Variants in TM9SF3 observed in about 807,000 individuals in gnomAD.
The protein encoded by TM9SF3 is SM-11044-binding protein.
TM9SF3 carries 14 observed loss-of-function variants against 78.6 expected under a neutral mutation model. That is an observed-to-expected ratio of 0.18 (90% confidence interval 0.12 to 0.28). TM9SF3 has a LOEUF of 0.28. Ranked by LOEUF, TM9SF3 falls within the 10% of genes least tolerant of loss-of-function variation. The probability of loss-of-function intolerance (pLI) is 1.00; values close to 1 mark genes in which losing one functional copy is unlikely to be tolerated. For missense variants in TM9SF3, 496 were observed against 721.9 expected (o/e 0.69, Z 3.59); for synonymous variants, 231 against 241.7 (o/e 0.96, Z 0.41).
At position 96,532,632 on chromosome 10, in the gene TM9SF3, C is replaced by CT. The variant is rs1847911378; in HGVS notation, c.1325+418dup. 2.0e-5 allele frequency among the ~76,000 whole-genome samples: 3 copies of CT among 152,176 alleles called. No homozygotes were observed. The South Asian group carries it at 6.2e-4, about 32-fold the overall frequency. On this transcript the variant is annotated intron_variant, in intron 10 of 14. Coordinates refer to ENST00000371142, the MANE Select transcript of TM9SF3 (RefSeq NM_020123.4). Reference sequence around the variant, plus strand: ...TCAGGTTCTGCATGTGATAGTATCTCTGACATTACTGATCTGCCAGCTCTG... The same window carrying CT: ...TCAGGTTCTGCATGTGATAGTATCTCTTGACATTACTGATCTGCCAGCTCTG...
At chr10:96,535,779 A>G (rs1415579692) in intron 9 of TM9SF3, among the ~76,000 whole-genome samples, 3 of 152,168 alleles carry the variant, frequency 2.0e-5, no homozygotes, top group Admixed American at 2.0e-4. Context: ...ATTGGTGCTT[A>G]ATACCCCAAA....
At chr10:96,578,279 T>C (rs1158383375) in intron 1 of TM9SF3, among the ~76,000 whole-genome samples, 2 of 152,238 alleles carry the variant, frequency 1.3e-5, no homozygotes, top group African/African-American at 2.4e-5. Context: ...AGTATCGCGT[T>C]AGGTATTAAG....
Position 96,540,658 on chromosome 10 carries a change from A to G in TM9SF3, c.1185+3418T>C, listed in dbSNP as rs182279257. Among the ~76,000 whole-genome samples, 826 of 151,556 alleles carry G rather than the reference A, an allele frequency of 5.5e-3. 13 individuals carry two copies. Among genetic ancestry groups the G allele is most frequent in the Non-Finnish European group, 6.1e-3 (415 of 67,912 alleles). ...TTTGTTACATCACTGATCCCACACAATGAGTCTTTGATCTTGATATCTTTA... is the reference window on the plus strand; with the variant it reads ...TTTGTTACATCACTGATCCCACACAGTGAGTCTTTGATCTTGATATCTTTA... On this transcript the variant is annotated intron_variant, in intron 9 of 14. Transcript: ENST00000371142.
At chr10:96,560,984 G>A (rs1471281612) in intron 4 of TM9SF3, 1 of 441,670 alleles carries the variant, frequency 2.3e-6, no homozygotes, top group Non-Finnish European at 4.1e-6. Context: ...GAAAAGGAGA[G>A]ACAAATATAG....
intron 4 of TM9SF3, chr10:96,560,325 C>A: frequency 1.3e-6 from 1 of 743,764 alleles, no homozygotes; most frequent in South Asian, 1.3e-5. Flanking sequence ...TAAGAACGGT[C>A]AGTTTAGGGG....
intron 9 of TM9SF3, among the ~76,000 whole-genome samples, chr10:96,534,319 T>C (rs1430796434): frequency 6.6e-6 from 1 of 152,228 alleles, no homozygotes; most frequent in African/African-American, 2.4e-5. Context: ...GAACTCAATT[T>C]ATCTGCGTTT....
intron 3 of TM9SF3, among the ~76,000 whole-genome samples, chr10:96,564,909 C>A (rs1374897501): frequency 6.6e-6 from 1 of 151,920 alleles, no homozygotes; most frequent in African/African-American, 2.4e-5. Flanking sequence ...TACCAAGAAA[C>A]CATACTACCA....
chr10:96,566,314 T>C (rs1848369976), intron 2 of TM9SF3, among the ~76,000 whole-genome samples: 1 of 152,220 alleles, frequency 6.6e-6, no homozygotes, highest in Non-Finnish European at 1.5e-5. Flanking sequence ...GCAATTTCTC[T>C]AAAGATACAT....
intron 2 of TM9SF3, among the ~76,000 whole-genome samples, chr10:96,571,579 T>C (rs976234915): frequency 3.3e-5 from 5 of 152,178 alleles, no homozygotes; most frequent in Non-Finnish European, 7.4e-5. Flanking sequence ...AAATACCGCA[T>C]GGTGAAGATA....
chr10:96,562,216 G>GTTTTTTT, intron 3 of TM9SF3, 78 bp from the exon 4 acceptor site: 18 of 560,848 alleles, frequency 3.2e-5, no homozygotes, highest in East Asian at 8.9e-5. Flanking sequence ...TGCTCATTAA[G>GTTTTTTT]TTTTTTTTTT....
At chr10:96,581,567 T>C (rs1848569961) in intron 1 of TM9SF3, among the ~76,000 whole-genome samples, 2 of 152,220 alleles carry the variant, frequency 1.3e-5, no homozygotes, top group Non-Finnish European at 2.9e-5. Flanking sequence ...TGTACCTAAA[T>C]AAACTTTCAG....
chr10:96,542,829 A>G (rs1022374549), intron 9 of TM9SF3, among the ~76,000 whole-genome samples: 2 of 152,162 alleles, frequency 1.3e-5, no homozygotes, highest in African/African-American at 2.4e-5. Flanking sequence ...AAATATTCCT[A>G]ACTAAAAGGT....
At chr10:96,539,000 T>TC (rs1847991046) in intron 9 of TM9SF3, among the ~76,000 whole-genome samples, 1 of 152,192 alleles carries the variant, frequency 6.6e-6, no homozygotes, top group Admixed American at 6.5e-5. Context: ...GCCATTCCAC[T>TC]CCTAGTTATT....
At chr10:96,570,098 G>A (rs1848423281) in intron 2 of TM9SF3, among the ~76,000 whole-genome samples, 1 of 152,182 alleles carries the variant, frequency 6.6e-6, no homozygotes, top group Admixed American at 6.5e-5. Flanking sequence ...ATTTAAAAGA[G>A]TAATTAACAG....
At chr10:96,560,433 C>T in intron 4 of TM9SF3, 1 of 748,268 alleles carries the variant, frequency 1.3e-6, no homozygotes, top group Non-Finnish European at 2.4e-6. Context: ...AATGTCTGCA[C>T]AGCCAACGGT....
chr10:96,571,573 A>G (rs910792833), intron 2 of TM9SF3, among the ~76,000 whole-genome samples: 1 of 152,220 alleles, frequency 6.6e-6, no homozygotes, highest in East Asian at 1.9e-4. Context: ...GGAGGGAAAT[A>G]CCGCATGGTG....
At chr10:96,559,013 G>A (rs1256704582) in intron 5 of TM9SF3, among the ~76,000 whole-genome samples, 15 of 152,188 alleles carry the variant, frequency 9.9e-5, no homozygotes, top group East Asian at 7.7e-4. Flanking sequence ...TAATGCTACC[G>A]GCTTTATGAA....
intron 5 of TM9SF3, among the ~76,000 whole-genome samples, chr10:96,559,429 C>CTTT (rs10680266): frequency 0.99 from 151,296 of 152,314 alleles, 75,150 homozygotes; most frequent in Middle Eastern, 1. Flanking sequence ...TTATATTCTT[C>CTTT]GTTTATCTCT....
At chr10:96,535,312 T>C (rs1193095105) in intron 9 of TM9SF3, among the ~76,000 whole-genome samples, 1 of 152,130 alleles carries the variant, frequency 6.6e-6, no homozygotes, top group Non-Finnish European at 1.5e-5. Flanking sequence ...TACTCTAAGA[T>C]TGCAAGGCAA....
Sources: allele counts gnomAD v4.1 joint callset (sites outside exome capture counted in the v4.1 genomes callset), GRCh38; gene constraint gnomAD v4.1.1; transcripts MANE v1.5; gene names NCBI Gene and HGNC (gene_info 2026-07-23, HGNC 2026-07-21).